Variants in TRIM35 observed in about 807,000 individuals in gnomAD.
The protein encoded by TRIM35 is tripartite motif containing 35, also known as E3 ubiquitin-protein ligase TRIM35.
TRIM35 carries 37 observed loss-of-function variants against 49.1 expected under a neutral mutation model. The ratio of observed to expected loss-of-function variants is 0.75; its 90% CI spans 0.58 to 0.99. The LOEUF is 0.99. TRIM35 is among the 50% of genes least tolerant of loss of function. The probability of loss-of-function intolerance (pLI) is 0.00; values close to 1 mark genes in which losing one functional copy is unlikely to be tolerated. For missense variants in TRIM35, 648 were observed against 702.7 expected, an observed-to-expected ratio of 0.92 and a Z score of 0.88; for synonymous variants, 302 against 289.3, an observed-to-expected ratio of 1.04 and a Z score of -0.45.
In TRIM35 at chr8:27,288,564, C is replaced by A. The variant is rs1268653975; in HGVS notation, c.905-437G>T. ...GGAGACGGAAGAGGAAATGAAGACTCTCCTCTACAGGTTTCAGAGGGGGCC... is the reference window on the plus strand; with the variant it reads ...GGAGACGGAAGAGGAAATGAAGACTATCCTCTACAGGTTTCAGAGGGGGCC... On this transcript the variant is annotated intron_variant, in intron 5 of 5. Coordinates refer to ENST00000305364, the MANE Select transcript of TRIM35 (RefSeq NM_171982.5). Among the ~76,000 whole-genome samples the A allele has an allele frequency of 3.3e-5, 5 of 152,180 alleles. No individual in the cohort carries two copies. In the East Asian group the frequency reaches 9.6e-4, roughly 29 times the overall value.
At position 27,298,550 on chromosome 8, in the gene TRIM35, T is replaced by G. The variant is rs375639360; in HGVS notation, c.445A>C (p.Arg149=). The change falls in exon 2 of 6, where the codon AGG becomes CGG. Residue 149 remains arginine, a synonymous_variant. Coordinates refer to ENST00000305364, the MANE Select transcript of TRIM35 (RefSeq NM_171982.5). ...DTAHDFRAKC[R]NMEHALREKA... Reference sequence around the variant, plus strand: ...TCCCGCAGTGCATGCTCCATGTTCCTGCACTTGGCCTGACATGGGAATGAG... The same window carrying G: ...TCCCGCAGTGCATGCTCCATGTTCCGGCACTTGGCCTGACATGGGAATGAG... 7 of 1,614,010 alleles carry G rather than the reference T, an allele frequency of 4.3e-6. No homozygotes were observed. In the African/African-American group the frequency reaches 5.3e-5, roughly 12 times the overall value.
In TRIM35 at chr8:27,294,233, C is replaced by G; in HGVS notation, c.609G>C (p.Gln203His). The change falls in exon 3 of 6, where the codon CAG becomes CAC. Residue 203 changes from glutamine (Q) to histidine (H), a missense_variant. Coordinates refer to ENST00000305364, the MANE Select transcript of TRIM35 (RefSeq NM_171982.5). The stretch of plus-strand genomic sequence containing the variant: ...CCTCGGCCATGGCATCCAGAATGGC[C>G]TGCTCCTCCACTCTCAAGAACTCGC... ...KLREFLRVEE[Q>H]AILDAMAEET... 6.2e-7 allele frequency: 1 copy of G among 1,614,202 alleles called. No homozygotes were observed. Among genetic ancestry groups the G allele is most frequent in the Non-Finnish European group, 8.5e-7 (1 of 1,180,046 alleles).
In TRIM35 at chr8:27,287,634, C is replaced by A. The variant is rs146576542; in HGVS notation, c.1398G>T (p.Leu466=). ...GAGGCCCGGCGCCCCGTGCACCCCC[C>A]AGGTAGAAGTAGGGGCGAACCTCCC... The part of the protein sequence containing the change: ...RFGEVRPYFY[L]GGARGAGPPE... Residue 466 remains leucine, a synonymous_variant, in exon 6 of 6, where the codon CTG becomes CTT. Coordinates refer to ENST00000305364, the MANE Select transcript of TRIM35 (RefSeq NM_171982.5). The surrounding 1 kb of genome is among the most constrained non-coding windows in gnomAD (Gnocchi z 6.0). 7.4e-5 allele frequency: 119 copies of A among 1,609,132 alleles called. No homozygotes were observed. The African/African-American group carries it at 1.4e-3, about 19-fold the overall frequency.
intron 4 of TRIM35, 44 bp from the exon 5 acceptor site, chr8:27,289,324 C>T (rs778535346): frequency 6.5e-7 from 1 of 1,546,060 alleles, no homozygotes; most frequent in Non-Finnish European, 8.9e-7. Context: ...CAGAGCCATG[C>T]AACCTGGGCC....
In TRIM35 at chr8:27,293,901, G is replaced by A. The variant is rs867111847; in HGVS notation, c.762+179C>T. On this transcript the variant is annotated intron_variant, in intron 3 of 5. Transcript: ENST00000305364. ...AAATAACAGGGTTTCAAGGAACTCC[G>A]CCCTGATAAGTCTTTTTAGTTTCAT... The A allele has an allele frequency of 3.6e-5, 22 of 608,072 alleles. No individual in the cohort carries two copies. The Middle Eastern group carries it at 2.2e-3, about 59-fold the overall frequency. The allele number at this position is 608,072 out of a possible 1,614,324, so 37.7% of individuals were successfully genotyped here. A position where few individuals can be genotyped will look rare whatever the true frequency, so the allele number is the denominator to read the frequency against.
chr8:27,299,340 C>A lies in TRIM35; in HGVS notation c.436-781G>T, dbSNP rs566857294. 2.0e-4 allele frequency among the ~76,000 whole-genome samples: 30 copies of A among 152,304 alleles called. 1 individual carries two copies. The South Asian group carries it at 6.2e-3, about 32-fold the overall frequency. ...CGATCTACATTCTCAGAAAGCTTCTCAAGTTTTTTCTTAAGAAAAATAATT... is the reference window on the plus strand; with the variant it reads ...CGATCTACATTCTCAGAAAGCTTCTAAAGTTTTTTCTTAAGAAAAATAATT... On this transcript the variant is annotated intron_variant, in intron 1 of 5. Coordinates refer to ENST00000305364, the MANE Select transcript of TRIM35 (RefSeq NM_171982.5).
rs139267709 is a variant in TRIM35 at position 27,310,815 on chromosome 8, C to T, written c.421G>A (p.Ala141Thr). The T allele has an allele frequency of 3.6e-4, 569 of 1,599,138 alleles. No homozygotes were observed. The highest frequency in any genetic ancestry group is 4.7e-4 in the Non-Finnish European group (550 of 1,170,024). The change falls in exon 1 of 6, where the codon GCC becomes ACC. Residue 141 changes from alanine (A) to threonine (T), a missense_variant. Physicochemically the swap from Ala to Thr is moderately conservative, Grantham distance 58. Transcript: ENST00000305364. ...GCTGCTCTTACCCGAAAGTCGTGGG[C>T]AGTGTCCTTCACCGGCTGCACGCGG... ...GHRVQPVKDT[A>T]HDFRAKCRNM...
rs767884249 is a variant in TRIM35 at position 27,311,228 on chromosome 8, C to G, written c.8G>C (p.Arg3Pro). 5.2e-6 allele frequency: 8 copies of G among 1,541,540 alleles called. No individual in the cohort carries two copies. Among genetic ancestry groups the G allele is most frequent in the Non-Finnish European group, 7.0e-6 (8 of 1,141,678 alleles). Residue 3 changes from arginine to proline, a missense_variant, in exon 1 of 6, where the codon CGG becomes CCG. Physicochemically the swap from Arg to Pro is moderately radical, Grantham distance 103 (BLOSUM62 -2). Coordinates refer to ENST00000305364, the MANE Select transcript of TRIM35 (RefSeq NM_171982.5). ...AGGCCCGGGGGACACGTCGGGACTC[C>G]GCTCCATGGCACGAGCAGCCGGCTC... Reference protein sequence around the residue: MERSPDVSPGPSR... With the variant: MEPSPDVSPGPSR...
rs774248844 is a variant in TRIM35, at chr8:27,287,738, G to A, written c.1294C>T (p.Leu432=). ...GACAGCTCGCCCTCCTCACACTCCA[G>A]CTCCACACGCAGGCGGCGTGGGATG... ...LAIPRRLRVE[L]ECEEGELSFY... is the part of the protein sequence containing the mutation. The change falls in exon 6 of 6, where the codon CTG becomes TTG. Residue 432 remains leucine (L), a synonymous_variant. Transcript: ENST00000305364. This position sits in a 1 kb window ranked among gnomAD's most constrained non-coding sequence, Gnocchi z 6.0. The A allele has an allele frequency of 7.5e-6, 12 of 1,610,294 alleles. No individual in the cohort carries two copies. Among genetic ancestry groups the A allele is most frequent in the Non-Finnish European group, 1.0e-5 (12 of 1,178,628 alleles).
intron 4 of TRIM35, among the ~76,000 whole-genome samples, chr8:27,289,580 C>A (rs1802410636): frequency 6.6e-6 from 1 of 152,210 alleles, no homozygotes; most frequent in Admixed American, 6.5e-5. Flanking sequence ...ACTTACACAT[C>A]CGGCTCATGG....
At chr8:27,292,075 A>G (rs551730685) in intron 3 of TRIM35, among the ~76,000 whole-genome samples, 1 of 152,260 alleles carries the variant, frequency 6.6e-6, no homozygotes, top group African/African-American at 2.4e-5. Context: ...TGATAAATCA[A>G]TCAATAAAAT....
chr8:27,307,364 C>T (rs1008529996), intron 1 of TRIM35, among the ~76,000 whole-genome samples: 7 of 151,960 alleles, frequency 4.6e-5, no homozygotes, highest in African/African-American at 1.5e-4. Flanking sequence ...ACACACTGCT[C>T]GCCGCCCCTC....
Position 27,286,228 on chromosome 8 carries a change from A to C in TRIM35, c.*1322T>G, listed in dbSNP as rs1321618805. 2.2e-6 allele frequency: 1 copy of C among 452,156 alleles called. No homozygotes were observed. Among genetic ancestry groups the C allele is most frequent in the East Asian group, 7.0e-5 (1 of 14,364 alleles). 28.0% of individuals were successfully genotyped at this position (452,156 alleles called of 1,614,324 possible). A position where few individuals can be genotyped will look rare whatever the true frequency, so the allele number is the denominator to read the frequency against. ...AACTCTTCAGAGATGTGCGAGAAAA[A>C]ACAAGCCCAGGGAAAAGTCTGCAGG... On this transcript the variant is annotated 3_prime_UTR_variant, in exon 6 of 6. Coordinates refer to ENST00000305364, the MANE Select transcript of TRIM35 (RefSeq NM_171982.5).
At chr8:27,291,450 T>C (rs962240222) in intron 3 of TRIM35, among the ~76,000 whole-genome samples, 3 of 152,194 alleles carry the variant, frequency 2.0e-5, no homozygotes, top group Non-Finnish European at 2.9e-5. Flanking sequence ...ACACTCCTGA[T>C]GGGAATATAA....
chr8:27,292,691 G>A (rs1460336767), intron 3 of TRIM35, among the ~76,000 whole-genome samples: 1 of 152,186 alleles, frequency 6.6e-6, no homozygotes, highest in Non-Finnish European at 1.5e-5. Flanking sequence ...CAGTTTTTAT[G>A]TGGGAGGAGG....
chr8:27,289,149 C>T lies in TRIM35; in HGVS notation c.904+13G>A. On this transcript the variant is annotated intron_variant, in intron 5 of 5. Coordinates refer to ENST00000305364, the MANE Select transcript of TRIM35 (RefSeq NM_171982.5). The stretch of plus-strand genomic sequence containing the variant: ...CACCCATGCTTGGGACACCTGCCGG[C>T]ACCCCCGCTCACCAGATTCCACAGA... 1 of 1,609,156 alleles carries T rather than the reference C, an allele frequency of 6.2e-7. No individual in the cohort carries two copies.
Position 27,287,336 on chromosome 8 carries a change from A to C in TRIM35, c.*214T>G, listed in dbSNP as rs1802344745. 1.9e-6 allele frequency: 1 copy of C among 537,838 alleles called. No homozygotes were observed. Among genetic ancestry groups the C allele is most frequent in the African/African-American group, 1.9e-5 (1 of 52,254 alleles). The allele number at this position is 537,838 out of a possible 1,614,324, so 33.3% of individuals were successfully genotyped here. On this transcript the variant is annotated 3_prime_UTR_variant, in exon 6 of 6. Coordinates refer to ENST00000305364, the MANE Select transcript of TRIM35 (RefSeq NM_171982.5). This position sits in a 1 kb window ranked among gnomAD's most constrained non-coding sequence, Gnocchi z 6.0. Reference sequence around the variant, plus strand: ...ACGACTCGGGAGAGCCTGGCCAGCGAGGTGCCACCCGAATAGCTCCTGACC... The same window carrying C: ...ACGACTCGGGAGAGCCTGGCCAGCGCGGTGCCACCCGAATAGCTCCTGACC...
intron 1 of TRIM35, 71 bp from the exon 2 acceptor site, chr8:27,298,630 T>TCA: frequency 7.8e-7 from 1 of 1,280,280 alleles, no homozygotes; most frequent in Non-Finnish European, 1.1e-6. Flanking sequence ...GGCAGACACA[T>TCA]CACATTTACA....
At chr8:27,308,082 G>A (rs1802824183) in intron 1 of TRIM35, among the ~76,000 whole-genome samples, 1 of 152,108 alleles carries the variant, frequency 6.6e-6, no homozygotes, top group Non-Finnish European at 1.5e-5. Context: ...CTGGAAGAAG[G>A]GGCCTCTGCA....
Sources: gnomAD v4.1 joint callset for allele counts (sites outside exome capture counted in the v4.1 genomes callset) on GRCh38, gnomAD v4.1.1 for gene constraint, Gnocchi (gnomAD v3.1) non-coding constraint, MANE v1.5 for transcripts, NCBI Gene and HGNC (gene_info 2026-07-23, HGNC 2026-07-21) for gene names.